The following GALNT16 variants were observed in gnomAD, a reference collection of about 807,000 sequenced individuals.
GALNT16 encodes UDP-GalNAc:polypeptide N-acetylgalactosaminyltransferase-like protein 1.
In GALNT16, 40 loss-of-function variants were observed where a neutral mutation model predicts 76.1. That is an observed-to-expected ratio of 0.53 (90% CI 0.41 to 0.68). The LOEUF (loss-of-function observed/expected upper bound fraction) is 0.68, where lower values mean the gene tolerates loss of function less well. Ranked by LOEUF, GALNT16 falls within the 30% of genes least tolerant of loss-of-function variation. The pLI, the probability that GALNT16 is intolerant of heterozygous loss-of-function variation, is 0.00. For missense variants in GALNT16, 621 were observed against 731.9 expected, an observed-to-expected ratio of 0.85 and a Z score of 1.75; for synonymous variants, 276 against 285.2, an observed-to-expected ratio of 0.97 and a Z score of 0.32.
chr14:69,334,059 G>A (rs1478682567), intron 9 of GALNT16, among the ~76,000 whole-genome samples: 1 of 152,256 alleles, frequency 6.6e-6, no homozygotes, highest in Non-Finnish European at 1.5e-5. Context: ...CCCTGGGCAA[G>A]TTAAAGCCCT....
intron 1 of GALNT16, among the ~76,000 whole-genome samples, chr14:69,269,241 A>G (rs1197323789): frequency 6.6e-6 from 1 of 152,038 alleles, no homozygotes; most frequent in East Asian, 1.9e-4. Flanking sequence ...GGAACACTTC[A>G]TTTCCTTAAA....
At chr14:69,330,009 C>A (rs764820612) in intron 6 of GALNT16, among the ~76,000 whole-genome samples, 10 of 152,148 alleles carry the variant, frequency 6.6e-5, no homozygotes, top group African/African-American at 2.4e-4. Context: ...AGGGCAGCCA[C>A]TTTGGAAGGC....
intron 12 of GALNT16, among the ~76,000 whole-genome samples, chr14:69,344,834 C>A (rs2045540856): frequency 6.6e-6 from 1 of 152,210 alleles, no homozygotes; most frequent in Non-Finnish European, 1.5e-5. Flanking sequence ...CAGTACCCAT[C>A]TTGTCTCTAT....
intron 9 of GALNT16, among the ~76,000 whole-genome samples, chr14:69,336,209 A>G (rs1166853913): frequency 1.3e-5 from 2 of 152,138 alleles, no homozygotes; most frequent in Non-Finnish European, 2.9e-5. Context: ...TCCAGGGTTC[A>G]AGCGATTCTC....
Position 69,339,690 on chromosome 14 carries a change from G to C in GALNT16, c.1187+71G>C, listed in dbSNP as rs10137211. ...GCACAACCCCAGCAAAATACGAAGT[G>C]GTATGTACGCCAGGGAACCACCCGC... is the stretch of plus-strand genomic sequence containing the variant. On this transcript the variant is annotated intron_variant, in intron 11 of 14. Coordinates refer to ENST00000448469, the MANE Select transcript of GALNT16 (RefSeq NM_001168368.2). The C allele has an allele frequency of 4.4e-4, 427 of 963,028 alleles. 1 individual carries two copies. In the African/African-American group the frequency reaches 6.2e-3, roughly 14 times the overall value. The allele number at this position is 963,028 out of a possible 1,614,324, so 59.7% of individuals were successfully genotyped here.
At position 69,341,722 on chromosome 14, in the gene GALNT16, A is replaced by G; in HGVS notation, c.1229A>G (p.Lys410Arg). The change falls in exon 12 of 15, where the codon AAG becomes AGG. Residue 410 changes from lysine (K) to arginine (R), a missense_variant. Coordinates refer to ENST00000448469, the MANE Select transcript of GALNT16 (RefSeq NM_001168368.2). ...RIEQRKKMNCKSFRWYLENVY... is the reference protein window; with the variant it reads ...RIEQRKKMNCRSFRWYLENVY... Reference sequence around the variant, plus strand: ...GAGCAGAGGAAGAAGATGAACTGCAAGTCCTTCCGCTGGTACCTGGAGAAC... The same window carrying G: ...GAGCAGAGGAAGAAGATGAACTGCAGGTCCTTCCGCTGGTACCTGGAGAAC... 6.2e-7 allele frequency: 1 copy of G among 1,613,352 alleles called. No homozygotes were observed. The highest frequency in any genetic ancestry group is 1.7e-5 in the Admixed American group (1 of 60,014).
chr14:69,269,477 A>C (rs1014938111), intron 1 of GALNT16, among the ~76,000 whole-genome samples: 3 of 134,128 alleles, frequency 2.2e-5, no homozygotes, highest in Non-Finnish European at 3.2e-5. Context: ...ATGTGTGTGT[A>C]GTATGTGATG....
At chr14:69,293,194 G>A (rs2044710335) in intron 1 of GALNT16, among the ~76,000 whole-genome samples, 1 of 152,190 alleles carries the variant, frequency 6.6e-6, no homozygotes, top group Non-Finnish European at 1.5e-5. Flanking sequence ...GCCCTGTTCT[G>A]TCCTGCCCCA....
intron 14 of GALNT16, chr14:69,349,393 T>A (rs1038028035): frequency 2.0e-5 from 3 of 152,228 alleles, no homozygotes; most frequent in African/African-American, 7.2e-5. Flanking sequence ...ACGGGGTGTG[T>A]AGGTATCTCC....
intron 1 of GALNT16, among the ~76,000 whole-genome samples, chr14:69,309,953 G>T (rs926335030): frequency 5.3e-5 from 8 of 152,002 alleles, no homozygotes; most frequent in African/African-American, 1.9e-4. Context: ...ATTTATTTTG[G>T]TTGAAGAAAT....
chr14:69,266,509 G>C (rs745849554), intron 1 of GALNT16, among the ~76,000 whole-genome samples: 2 of 152,166 alleles, frequency 1.3e-5, no homozygotes, highest in African/African-American at 2.4e-5. Context: ...TTCAGAAAAG[G>C]CAAGAGACTT....
At chr14:69,295,514 G>A (rs1172835246) in intron 1 of GALNT16, among the ~76,000 whole-genome samples, 2 of 151,762 alleles carry the variant, frequency 1.3e-5, no homozygotes, top group East Asian at 3.9e-4. Flanking sequence ...GAGGTCAGGA[G>A]TTCAAGACCA....
chr14:69,333,432 G>A lies in GALNT16; in HGVS notation c.864-65G>A. The A allele has an allele frequency of 3.1e-6, 3 of 968,436 alleles. No homozygotes were observed. The highest frequency in any genetic ancestry group is 2.4e-5 in the East Asian group (1 of 41,894). The allele number at this position is 968,436 out of a possible 1,614,324, so 60.0% of individuals were successfully genotyped here. On this transcript the variant is annotated intron_variant, in intron 8 of 14. Transcript: ENST00000448469. This position sits in a 1 kb window ranked among gnomAD's most constrained non-coding sequence, Gnocchi z 4.2. Reference sequence around the variant, plus strand: ...GAGGCAGACGGTCTTGGGTCCTGGGGCCATCTAAAGGGCCTCCTTGCTTCT... The same window carrying A: ...GAGGCAGACGGTCTTGGGTCCTGGGACCATCTAAAGGGCCTCCTTGCTTCT...
intron 1 of GALNT16, among the ~76,000 whole-genome samples, chr14:69,298,344 G>A (rs1279357100): frequency 6.6e-6 from 1 of 152,230 alleles, no homozygotes; most frequent in African/African-American, 2.4e-5. Flanking sequence ...CCTTCAGCTT[G>A]TAGATAGGGA....
intron 10 of GALNT16, 44 bp from the exon 11 acceptor site, chr14:69,339,483 T>G (rs772461806): frequency 8.6e-7 from 1 of 1,156,398 alleles, no homozygotes; most frequent in Non-Finnish European, 1.3e-6. Context: ...GCTAACCCTG[T>G]TGCTTCCCTG....
intron 1 of GALNT16, among the ~76,000 whole-genome samples, chr14:69,282,751 C>T (rs911688494): frequency 1.8e-4 from 27 of 151,950 alleles, no homozygotes; most frequent in Middle Eastern, 6.8e-3. Context: ...CTACAACGTC[C>T]GCCTCCCAGG....
chr14:69,336,016 G>A (rs184576692), intron 9 of GALNT16, among the ~76,000 whole-genome samples: 1 of 152,062 alleles, frequency 6.6e-6, no homozygotes, highest in South Asian at 2.1e-4. Context: ...ACTCCTTACT[G>A]GCTACAGGGT....
At chr14:69,311,904 T>TC (rs915442494) in intron 1 of GALNT16, among the ~76,000 whole-genome samples, 3 of 151,818 alleles carry the variant, frequency 2.0e-5, no homozygotes, top group African/African-American at 4.9e-5. Flanking sequence ...TGCTTTTTTT[T>TC]CCCCCTTAAT....
At chr14:69,369,724 T>C in the GALNT16 span, among the ~76,000 whole-genome samples, 12 of 152,204 alleles carry the variant, frequency 7.9e-5, no homozygotes, top group African/African-American at 2.7e-4. Context: ...CCTCAGGGAC[T>C]AGTGGCTCCT....
Sources: allele counts gnomAD v4.1 joint callset (sites outside exome capture counted in the v4.1 genomes callset), GRCh38; gene constraint gnomAD v4.1.1; non-coding constraint Gnocchi (gnomAD v3.1); transcripts MANE v1.5; gene names NCBI Gene and HGNC (gene_info 2026-07-23, HGNC 2026-07-21).